EVA1C: variants seen among roughly 807,000 people sequenced by gnomAD.
The protein encoded by EVA1C is protein eva-1 homolog C.
EVA1C carries 25 observed loss-of-function variants against 45.4 expected under a neutral mutation model. The ratio of observed to expected loss-of-function variants is 0.55; its 90% CI spans 0.40 to 0.77. The LOEUF is 0.77. Among genes scored for constraint, EVA1C ranks in the 30% least tolerant of loss-of-function variants. EVA1C has a pLI of 0.00. For missense variants in EVA1C, 479 were observed against 554.8 expected, an observed-to-expected ratio of 0.86 and a Z score of 1.37; for synonymous variants, 190 against 221.2, an observed-to-expected ratio of 0.86 and a Z score of 1.25.
intron 4 of EVA1C, among the ~76,000 whole-genome samples, chr21:32,472,154 AATTT>A (rs1301146702): frequency 5.3e-5 from 8 of 151,866 alleles, no homozygotes; most frequent in Admixed American, 2.6e-4. Flanking sequence ...TTAATTAATT[AATTT>A]ATTTATTTAT....
At chr21:32,475,346 C>A (rs548102445) in intron 4 of EVA1C, among the ~76,000 whole-genome samples, 14 of 151,312 alleles carry the variant, frequency 9.3e-5, no homozygotes, top group Middle Eastern at 3.4e-3. Context: ...AAAATATCAT[C>A]ATCATCATCA....
chr21:32,435,232 G>T (rs556454609), intron 1 of EVA1C, among the ~76,000 whole-genome samples: 16 of 142,762 alleles, frequency 1.1e-4, no homozygotes, highest in Admixed American at 8.5e-4. Flanking sequence ...TTTTTTTTGT[G>T]GGGGGGAAAT....
intron 1 of EVA1C, among the ~76,000 whole-genome samples, chr21:32,429,538 G>T (rs1332489571): frequency 1.2e-4 from 17 of 138,670 alleles, no homozygotes; most frequent in Middle Eastern, 5.2e-3. Flanking sequence ...ATTTTTAGTA[G>T]AGACAGGGTT....
At chr21:32,436,308 C>T (rs578028258) in intron 1 of EVA1C, among the ~76,000 whole-genome samples, 7 of 152,274 alleles carry the variant, frequency 4.6e-5, no homozygotes, top group East Asian at 1.9e-4. Context: ...GTGATCCACC[C>T]GCCTCGGCCT....
At chr21:32,493,718 T>C (rs2037243867) in intron 4 of EVA1C, 1 of 152,218 alleles carries the variant, frequency 6.6e-6, no homozygotes, top group Admixed American at 6.5e-5. Flanking sequence ...TCTAGCTCTA[T>C]TGCAAATCCT....
At chr21:32,428,049 T>C (rs578104175) in intron 1 of EVA1C, among the ~76,000 whole-genome samples, 59 of 152,232 alleles carry the variant, frequency 3.9e-4, no homozygotes, top group South Asian at 2.5e-3. Flanking sequence ...GTGTACTATA[T>C]ATTTTTAAAA....
chr21:32,440,985 C>T (rs550713195), intron 1 of EVA1C, among the ~76,000 whole-genome samples: 20 of 152,230 alleles, frequency 1.3e-4, no homozygotes, highest in African/African-American at 4.8e-4. Context: ...GCCTGTAATC[C>T]CAGCTACTCA....
At chr21:32,443,378 A>G (rs1188549912) in intron 1 of EVA1C, among the ~76,000 whole-genome samples, 1 of 152,156 alleles carries the variant, frequency 6.6e-6, no homozygotes, top group Non-Finnish European at 1.5e-5. Context: ...TACTAAAAAT[A>G]CAAAAAAATT....
At chr21:32,454,456 G>A (rs1033507641) in intron 2 of EVA1C, among the ~76,000 whole-genome samples, 1 of 152,096 alleles carries the variant, frequency 6.6e-6, no homozygotes, top group African/African-American at 2.4e-5. Flanking sequence ...GAAAGATTTG[G>A]TATAGGAGAA....
At chr21:32,493,895 G>A (rs1274056504) in intron 4 of EVA1C, 2 of 152,056 alleles carry the variant, frequency 1.3e-5, no homozygotes, top group African/African-American at 4.8e-5. Context: ...TGCCTCCCAG[G>A]TTGAAGCAAT....
intron 3 of EVA1C, among the ~76,000 whole-genome samples, chr21:32,462,580 GC>G (rs942981794): frequency 4.6e-5 from 7 of 152,136 alleles, no homozygotes; most frequent in African/African-American, 1.7e-4. Context: ...CCATAAACTG[GC>G]CCCAAAACTG....
chr21:32,444,078 AC>A lies in EVA1C; in HGVS notation c.161-9233del, dbSNP rs2035279492. On this transcript the variant is annotated intron_variant, in intron 1 of 7. Transcript: ENST00000300255. ...AACACACACACACACACACACACAC[AC>A]ACACACACACACAAACTCAAAGTAC... Among the ~76,000 whole-genome samples the A allele has an allele frequency of 5.8e-5, 7 of 121,328 alleles. 1 individual carries two copies. The highest frequency in any genetic ancestry group is 4.7e-4 in the Admixed American group (6 of 12,632). The allele number at this position is 121,328 out of a possible 152,430, so 79.6% of individuals were successfully genotyped here. A position where few individuals can be genotyped will look rare whatever the true frequency, so the allele number is the denominator to read the frequency against.
rs532826485 is a variant in EVA1C, at chr21:32,412,898, C to G, written c.45C>G (p.Pro15=). 7.9e-6 allele frequency: 12 copies of G among 1,513,264 alleles called. No homozygotes were observed. Among genetic ancestry groups the G allele is most frequent in the South Asian group, 1.2e-5 (1 of 80,966 alleles). 93.7% of individuals were successfully genotyped at this position (1,513,264 alleles called of 1,614,324 possible). A position where few individuals can be genotyped will look rare whatever the true frequency, so the allele number is the denominator to read the frequency against. ...CACGCCAACCGCCGACGCCCCAGCC[C>G]GTGCAGCATCCCGGCCTCCGCCGGC... The part of the protein sequence containing the change: ...GRARQPPTPQ[P]VQHPGLRRQV... The change falls in exon 1 of 8, where the codon CCC becomes CCG. Residue 15 remains proline, a synonymous_variant. Transcript: ENST00000300255.
chr21:32,468,261 T>G (rs928811993), intron 4 of EVA1C, among the ~76,000 whole-genome samples: 1 of 151,462 alleles, frequency 6.6e-6, no homozygotes, highest in African/African-American at 2.4e-5. Flanking sequence ...CCTAGCTACT[T>G]GGGAGGCTGA....
chr21:32,425,334 C>CAAAAAAA lies in EVA1C; in HGVS notation c.160+12336_160+12342dup, dbSNP rs60224656. Among the ~76,000 whole-genome samples, 12 of 57,764 alleles carry CAAAAAAA rather than the reference C, an allele frequency of 2.1e-4. 1 individual carries two copies. Among genetic ancestry groups the CAAAAAAA allele is most frequent in the African/African-American group, 5.6e-4 (9 of 16,206 alleles). 37.9% of individuals were successfully genotyped at this position (57,764 alleles called of 152,430 possible). ...TGGGAGACAGAGTAAGACTCCATCT[C>CAAAAAAA]AAAAAAAAAAAAAAAAAAAAAGAGT... On this transcript the variant is annotated intron_variant, in intron 1 of 7. Transcript: ENST00000300255.
chr21:32,467,484 G>A (rs1411560023), intron 3 of EVA1C, among the ~76,000 whole-genome samples: 1 of 152,240 alleles, frequency 6.6e-6, no homozygotes, highest in South Asian at 2.1e-4. Flanking sequence ...AATTCCCAGG[G>A]TCTTTGCGCT....
upstream of EVA1C, among the ~76,000 whole-genome samples, chr21:32,411,789 T>G (rs2033835529): frequency 6.6e-6 from 1 of 152,124 alleles, no homozygotes; most frequent in African/African-American, 2.4e-5. Context: ...AGGGTTTGGG[T>G]CGCTGGGCGC....
intron 1 of EVA1C, among the ~76,000 whole-genome samples, chr21:32,436,002 C>T (rs936241030): frequency 1.3e-5 from 2 of 152,218 alleles, no homozygotes; most frequent in African/African-American, 4.8e-5. Flanking sequence ...TTTTTTGCCT[C>T]ACAGAAACAG....
intron 4 of EVA1C, among the ~76,000 whole-genome samples, chr21:32,482,407 G>A (rs1758753429): frequency 6.6e-6 from 1 of 152,148 alleles, no homozygotes; most frequent in African/African-American, 2.4e-5. Context: ...ACCAAGTGCT[G>A]GGCAAACAGT....
Sources: allele counts gnomAD v4.1 joint callset (sites outside exome capture counted in the v4.1 genomes callset), GRCh38; gene constraint gnomAD v4.1.1; transcripts MANE v1.5; gene names NCBI Gene and HGNC (gene_info 2026-07-23, HGNC 2026-07-21).